NELL1: variants seen among roughly 807,000 people sequenced by gnomAD.
NELL1 encodes the protein protein kinase C-binding protein NELL1.
A neutral mutation model predicts 107.4 loss-of-function variants in NELL1; 76 were observed. The ratio of observed to expected loss-of-function variants is 0.71; its 90% CI spans 0.59 to 0.86. NELL1 has a LOEUF of 0.86. Ranked by LOEUF, NELL1 falls within the 40% of genes least tolerant of loss-of-function variation. The pLI is 0.00. For missense variants in NELL1, 1,024 were observed against 1,005.5 expected (o/e 1.02, Z -0.25); for synonymous variants, 353 against 341.2 (o/e 1.03, Z -0.38).
At chr11:20,892,323 C>A (rs1375783197) in intron 5 of NELL1, among the ~76,000 whole-genome samples, 1 of 152,026 alleles carries the variant, frequency 6.6e-6, no homozygotes, top group Non-Finnish European at 1.5e-5. Context: ...CCAATGAGAA[C>A]AAAGAGACAA....
At chr11:20,807,557 T>C (rs534001726) in intron 3 of NELL1, among the ~76,000 whole-genome samples, 2 of 152,296 alleles carry the variant, frequency 1.3e-5, no homozygotes, top group Admixed American at 1.3e-4. Flanking sequence ...GTCTGCTGCC[T>C]ATGTTTGCTG....
At chr11:21,204,186 A>G (rs1256648935) in intron 13 of NELL1, among the ~76,000 whole-genome samples, 4 of 152,094 alleles carry the variant, frequency 2.6e-5, no homozygotes, top group Non-Finnish European at 5.9e-5. Context: ...GTTCTCCTGG[A>G]TAATATCCTG....
chr11:20,932,875 CAG>C (rs2134178990), intron 9 of NELL1, among the ~76,000 whole-genome samples: 1 of 152,256 alleles, frequency 6.6e-6, no homozygotes, highest in Non-Finnish European at 1.5e-5. Flanking sequence ...AGAAGTCACA[CAG>C]AGAAGGGAGT....
chr11:21,012,978 G>T (rs1852480710), intron 12 of NELL1, among the ~76,000 whole-genome samples: 1 of 121,096 alleles, frequency 8.3e-6, no homozygotes, highest in Non-Finnish European at 1.6e-5. Context: ...TCTTGTGGCT[G>T]TTTTGTTTGT....
intron 4 of NELL1, among the ~76,000 whole-genome samples, chr11:20,848,166 G>A (rs1309943157): frequency 1.3e-5 from 2 of 152,196 alleles, no homozygotes; most frequent in East Asian, 1.9e-4. Flanking sequence ...TGCCACTGAA[G>A]CAGCTAATTC....
At chr11:20,721,925 G>C (rs1369247392) in intron 2 of NELL1, among the ~76,000 whole-genome samples, 2 of 152,090 alleles carry the variant, frequency 1.3e-5, no homozygotes, top group South Asian at 4.2e-4. Context: ...GCGGATAGTT[G>C]GTGCAGGCTT....
intron 15 of NELL1, among the ~76,000 whole-genome samples, chr11:21,381,398 C>T (rs923848480): frequency 4.6e-5 from 7 of 151,816 alleles, no homozygotes; most frequent in South Asian, 2.1e-4. Flanking sequence ...ATTTACTTAA[C>T]GTTTCTAAGT....
At chr11:20,697,317 T>A (rs565104573) in intron 2 of NELL1, among the ~76,000 whole-genome samples, 2 of 152,094 alleles carry the variant, frequency 1.3e-5, no homozygotes, top group East Asian at 3.9e-4. Context: ...TGTTAAGTAG[T>A]TGGGAGGATG....
intron 4 of NELL1, among the ~76,000 whole-genome samples, chr11:20,879,825 C>T (rs746834368): frequency 1.3e-4 from 20 of 151,684 alleles, no homozygotes; most frequent in African/African-American, 3.4e-4. Context: ...GAAAAGTTTA[C>T]GATTTATGGC....
At chr11:20,682,898 A>G (rs1220948640) in intron 2 of NELL1, among the ~76,000 whole-genome samples, 2 of 152,084 alleles carry the variant, frequency 1.3e-5, no homozygotes, top group African/African-American at 4.8e-5. Flanking sequence ...TGAGATTTAT[A>G]CATATTGCAG....
chr11:21,220,082 C>T (rs1208242098), intron 13 of NELL1, among the ~76,000 whole-genome samples: 1 of 152,178 alleles, frequency 6.6e-6, no homozygotes, highest in African/African-American at 2.4e-5. Flanking sequence ...GATTGAGTCA[C>T]CTCCCACCAG....
At chr11:21,185,574 C>G (rs1328202062) in intron 13 of NELL1, among the ~76,000 whole-genome samples, 1 of 151,790 alleles carries the variant, frequency 6.6e-6, no homozygotes, top group Non-Finnish European at 1.5e-5. Context: ...GGATTACAGG[C>G]GTGAGCCACT....
intron 15 of NELL1, among the ~76,000 whole-genome samples, chr11:21,395,536 A>G (rs959509450): frequency 6.6e-6 from 1 of 151,546 alleles, no homozygotes. Flanking sequence ...AAATATTTCT[A>G]ACTTCTGTTT....
intron 12 of NELL1, among the ~76,000 whole-genome samples, chr11:21,002,794 A>G (rs576516399): frequency 2.6e-5 from 4 of 152,020 alleles, no homozygotes; most frequent in African/African-American, 7.2e-5. Flanking sequence ...TGCCAATCCT[A>G]TTTCCACCTG....
chr11:21,240,181 C>A (rs1029640820), intron 14 of NELL1, among the ~76,000 whole-genome samples: 12 of 151,956 alleles, frequency 7.9e-5, no homozygotes, highest in African/African-American at 2.7e-4. Context: ...TATTCCACCC[C>A]CAGAAATGCT....
chr11:20,770,853 C>T (rs1464525775), intron 2 of NELL1: 1 of 152,096 alleles, frequency 6.6e-6, no homozygotes, highest in Non-Finnish European at 1.5e-5. Context: ...TGCTTCATGA[C>T]TCCTGGCTGC....
At chr11:20,702,416 C>A (rs891207411) in intron 2 of NELL1, among the ~76,000 whole-genome samples, 4 of 152,094 alleles carry the variant, frequency 2.6e-5, no homozygotes, top group African/African-American at 9.7e-5. Flanking sequence ...TGGGCTGAGA[C>A]AATGGGGTTT....
chr11:21,194,438 T>C (rs541718030), intron 13 of NELL1, among the ~76,000 whole-genome samples: 1 of 151,494 alleles, frequency 6.6e-6, no homozygotes, highest in East Asian at 2.0e-4. Flanking sequence ...TTAAAATGCA[T>C]ATGTCTGGAC....
intron 3 of NELL1, among the ~76,000 whole-genome samples, chr11:20,794,064 A>G (rs112322598): frequency 0.016 from 2,399 of 152,282 alleles, 77 homozygotes; most frequent in African/African-American, 0.054. Flanking sequence ...AATGGCTCCT[A>G]TTGTAATTAT....
Sources: gnomAD v4.1 joint callset for allele counts (sites outside exome capture counted in the v4.1 genomes callset) on GRCh38, gnomAD v4.1.1 for gene constraint, MANE v1.5 for transcripts, NCBI Gene and HGNC (gene_info 2026-07-23, HGNC 2026-07-21) for gene names.